Variants in QSOX1 observed in about 807,000 individuals in gnomAD.
The protein encoded by QSOX1 is quiescin sulfhydryl oxidase 1, also known as sulfhydryl oxidase 1.
QSOX1 carries 40 observed loss-of-function variants against 76.1 expected under a neutral mutation model. The observed-to-expected ratio is 0.53, with a 90% CI of 0.41 to 0.68. QSOX1 has a LOEUF of 0.68. QSOX1 is among the 30% of genes least tolerant of loss of function. QSOX1 has a pLI of 0.00. For missense variants in QSOX1, 931 were observed against 974.3 expected (o/e 0.96, Z 0.59); for synonymous variants, 392 against 413.1 (o/e 0.95, Z 0.62).
chr1:180,166,364 T>C lies in QSOX1; in HGVS notation c.266-127T>C, dbSNP rs141950215. ...TCCTTTTCCAAGGAAGGTGTGACCT[T>C]TGTCATAAGAGCTTTGGGATCAGGT... On this transcript the variant is annotated intron_variant, in intron 1 of 11. Transcript: ENST00000367602. 448 of 709,312 alleles carry C rather than the reference T, an allele frequency of 6.3e-4. 2 individuals carry two copies. In the African/African-American group the frequency reaches 7.2e-3, roughly 11 times the overall value. The allele number at this position is 709,312 out of a possible 1,614,324, so 43.9% of individuals were successfully genotyped here.
At chr1:180,163,601 A>G (rs1346681573) in intron 1 of QSOX1, among the ~76,000 whole-genome samples, 1 of 152,236 alleles carries the variant, frequency 6.6e-6, no homozygotes, top group East Asian at 1.9e-4. Context: ...TATACTTTAG[A>G]CTTATGTTCA....
intron 8 of QSOX1, among the ~76,000 whole-genome samples, chr1:180,186,504 C>T (rs2149240241): frequency 6.6e-6 from 1 of 152,360 alleles, no homozygotes; most frequent in South Asian, 2.1e-4. Context: ...GTCAGAGCCC[C>T]AGTGTGGCTT....
rs779215460 is a variant in QSOX1, at chr1:180,186,156, A to G, written c.991A>G (p.Lys331Glu). 1 of 1,613,790 alleles carries G rather than the reference A, an allele frequency of 6.2e-7. No individual in the cohort carries two copies. The highest frequency in any genetic ancestry group is 8.5e-7 in the Non-Finnish European group (1 of 1,179,884). ...GGAAGGGCAGCGCCTGGTGGCCCTG[A>G]AAAAGTTTGTGGCAGTGCTGGCCAA... The part of the protein sequence containing the change: ...VLEGQRLVAL[K>E]KFVAVLAKYF... Residue 331 changes from lysine (K) to glutamate (E), a missense_variant, in exon 8 of 12, where the codon AAA (lysine) becomes GAA (glutamate). Transcript: ENST00000367602.
chr1:180,162,634 G>A (rs1167814724), intron 1 of QSOX1, among the ~76,000 whole-genome samples: 1 of 152,102 alleles, frequency 6.6e-6, no homozygotes, highest in Non-Finnish European at 1.5e-5. Context: ...AGCTACTTAA[G>A]CAGCTGAGGT....
At chr1:180,172,523 A>AT (rs907857754) in intron 2 of QSOX1, among the ~76,000 whole-genome samples, 12 of 151,854 alleles carry the variant, frequency 7.9e-5, no homozygotes, top group Non-Finnish European at 1.0e-4. Flanking sequence ...CCTTTTTAAA[A>AT]TTTTTTTATT....
intron 1 of QSOX1, among the ~76,000 whole-genome samples, chr1:180,161,409 T>C (rs940125999): frequency 1.3e-5 from 2 of 152,194 alleles, no homozygotes; most frequent in African/African-American, 2.4e-5. Context: ...GCAGTACCTA[T>C]AGATTCATCA....
intron 6 of QSOX1, among the ~76,000 whole-genome samples, chr1:180,183,125 C>A (rs3767179): frequency 6.6e-6 from 1 of 151,952 alleles, no homozygotes; most frequent in African/African-American, 2.4e-5. Flanking sequence ...CTCCTCTCTC[C>A]GAGTTGGTGG....
At chr1:180,195,156 C>T (rs1472822842) in intron 11 of QSOX1, among the ~76,000 whole-genome samples, 1 of 152,114 alleles carries the variant, frequency 6.6e-6, no homozygotes, top group Non-Finnish European at 1.5e-5. Context: ...GCCCCTGCCA[C>T]CAAATGCTCC....
chr1:180,157,310 A>T (rs972973928), intron 1 of QSOX1, among the ~76,000 whole-genome samples: 1 of 152,184 alleles, frequency 6.6e-6, no homozygotes. Context: ...GTCAGCCTGC[A>T]ATGAAGAATG....
In QSOX1 at chr1:180,196,994, A is replaced by C; in HGVS notation, c.2201A>C (p.Lys734Thr). 6.2e-7 allele frequency: 1 copy of C among 1,612,572 alleles called. No homozygotes were observed. The change falls in exon 12 of 12, where the codon AAG (lysine) becomes ACG (threonine). Residue 734 changes from lysine to threonine, a missense_variant. Transcript: ENST00000367602. This position sits in a 1 kb window ranked among gnomAD's most constrained non-coding sequence, Gnocchi z 4.1. ...GCCATGTACACCTACTTCCAGGCCA[A>C]GATAAGGGCCCTGAAGGGCCATGCT... ...LLAMYTYFQA[K>T]IRALKGHAGH... is the part of the protein sequence containing the mutation.
intron 8 of QSOX1, 106 bp downstream of exon 8, chr1:180,186,288 G>C (rs1558190966): frequency 6.9e-7 from 1 of 1,455,018 alleles, no homozygotes; most frequent in Non-Finnish European, 9.3e-7. Context: ...GAAGCCCATG[G>C]TCTGGCTGGA....
At chr1:180,177,031 T>C (rs1234076657) in intron 4 of QSOX1, among the ~76,000 whole-genome samples, 2 of 152,186 alleles carry the variant, frequency 1.3e-5, no homozygotes, top group African/African-American at 2.4e-5. Flanking sequence ...GGATACAGCA[T>C]AGTCTTTATG....
intron 8 of QSOX1, among the ~76,000 whole-genome samples, chr1:180,187,630 A>G (rs1392963587): frequency 6.6e-6 from 1 of 152,248 alleles, no homozygotes; most frequent in South Asian, 2.1e-4. Flanking sequence ...GAAAAGAATG[A>G]GATACAGAAA....
At position 180,202,372 on chromosome 1, in the gene QSOX1, T is replaced by A. The variant is rs779951882; in HGVS notation, c.*5335T>A. On this transcript the variant is annotated 3_prime_UTR_variant, in exon 12 of 12. Coordinates refer to ENST00000367602, the MANE Select transcript of QSOX1 (RefSeq NM_002826.5). ...GGTGCTGCCTATTAAACCTCCTGCC[T>A]CCCCTGCTGCAGTGCTTTGATGCCT... 3 of 152,236 alleles carry A rather than the reference T, an allele frequency of 2.0e-5. No individual in the cohort carries two copies. The highest frequency in any genetic ancestry group is 4.4e-5 in the Non-Finnish European group (3 of 68,078). 9.4% of individuals were successfully genotyped at this position (152,236 alleles called of 1,614,324 possible).
At chr1:180,159,633 C>T (rs1159654014) in intron 1 of QSOX1, among the ~76,000 whole-genome samples, 1 of 152,126 alleles carries the variant, frequency 6.6e-6, no homozygotes. Context: ...TATTTCGGTC[C>T]CTTTTAAAGG....
chr1:180,196,421 A>G lies in QSOX1; in HGVS notation c.1628A>G (p.Asp543Gly), dbSNP rs760776345. 3.7e-6 allele frequency: 6 copies of G among 1,614,044 alleles called. No homozygotes were observed. The African/African-American group carries it at 6.7e-5, about 18-fold the overall frequency. Residue 543 changes from aspartate (D) to glycine (G), a missense_variant, in exon 12 of 12, where the codon GAC becomes GGC. Transcript: ENST00000367602. This position sits in a 1 kb window ranked among gnomAD's most constrained non-coding sequence, Gnocchi z 4.1. ...AHFSPSNIIL[D>G]FPAAGSAARR... ...TTCTCCCCAAGCAACATCATCCTGGACTTCCCTGCAGCTGGGTCAGCTGCC... is the reference window on the plus strand; with the variant it reads ...TTCTCCCCAAGCAACATCATCCTGGGCTTCCCTGCAGCTGGGTCAGCTGCC...
chr1:180,156,257 C>A (rs1211694975), intron 1 of QSOX1, among the ~76,000 whole-genome samples: 1 of 152,138 alleles, frequency 6.6e-6, no homozygotes, highest in African/African-American at 2.4e-5. Flanking sequence ...GGGTATTTGG[C>A]GGGCAGGAGT....
chr1:180,176,084 C>G, intron 4 of QSOX1, 51 bp downstream of exon 4: 1 of 1,448,500 alleles, frequency 6.9e-7, no homozygotes, highest in Non-Finnish European at 9.5e-7. Context: ...GATCCCAGGC[C>G]TGGGAGTGAG....
chr1:180,159,742 A>T (rs929648130), intron 1 of QSOX1, among the ~76,000 whole-genome samples: 7 of 152,210 alleles, frequency 4.6e-5, no homozygotes, highest in African/African-American at 1.7e-4. Flanking sequence ...TCAGATCGAC[A>T]GCTTAGTTTT....
Sources: allele counts gnomAD v4.1 joint callset (sites outside exome capture counted in the v4.1 genomes callset), GRCh38; gene constraint gnomAD v4.1.1; non-coding constraint Gnocchi (gnomAD v3.1); transcripts MANE v1.5; gene names NCBI Gene and HGNC (gene_info 2026-07-23, HGNC 2026-07-21).